XKR9: variants seen among roughly 807,000 people sequenced by gnomAD.
The protein encoded by XKR9 is XK-related protein 9.
In XKR9, 32 loss-of-function variants were observed where a neutral mutation model predicts 32.0. The observed-to-expected ratio is 1.00, with a 90% CI of 0.76 to 1.34. The LOEUF is 1.34. Ranked by LOEUF, XKR9 falls within the 40% of genes most tolerant of loss-of-function variation. XKR9 has a pLI of 0.00. For missense variants in XKR9, 546 were observed against 429.7 expected (o/e 1.27, Z -2.39); for synonymous variants, 168 against 143.4 (o/e 1.17, Z -1.22).
At chr8:70,973,638 C>T in the XKR9 span, among the ~76,000 whole-genome samples, 1 of 151,996 alleles carries the variant, frequency 6.6e-6, no homozygotes, top group Non-Finnish European at 1.5e-5. Context: ...TTGCTGTATC[C>T]CAATGGGTTT....
intron 3 of XKR9, among the ~76,000 whole-genome samples, chr8:70,698,067 T>C (rs1351427790): frequency 6.6e-6 from 1 of 152,144 alleles, no homozygotes; most frequent in African/African-American, 2.4e-5. Flanking sequence ...TATTTGATTC[T>C]TCTCTCTTTT....
chr8:70,786,241 G>T (rs990929696), intron 2 of XKR9, among the ~76,000 whole-genome samples: 1 of 152,110 alleles, frequency 6.6e-6, no homozygotes. Context: ...AACACAATGT[G>T]TATTCTGCTG....
chr8:70,790,472 A>G (rs934974204), downstream of XKR9: 4 of 152,202 alleles, frequency 2.6e-5, no homozygotes, highest in South Asian at 2.1e-4. Context: ...ATACCTTGAA[A>G]TGCTCTGACT....
At chr8:70,698,935 A>T (rs1324906605) in intron 3 of XKR9, among the ~76,000 whole-genome samples, 8 of 152,070 alleles carry the variant, frequency 5.3e-5, no homozygotes, top group Non-Finnish European at 1.0e-4. Flanking sequence ...TTTACCATTA[A>T]GTAATGGCCT....
At chr8:70,705,517 A>G (rs1050646587) in intron 3 of XKR9, among the ~76,000 whole-genome samples, 6 of 152,146 alleles carry the variant, frequency 3.9e-5, no homozygotes, top group African/African-American at 1.2e-4. Context: ...TGGAGTTTAG[A>G]AGAGTTCCAG....
the XKR9 span, among the ~76,000 whole-genome samples, chr8:70,809,933 C>G: frequency 1.3e-5 from 2 of 152,110 alleles, no homozygotes; most frequent in Non-Finnish European, 2.9e-5. Context: ...TCAGGAAATA[C>G]AGAGAACACC....
chr8:70,975,988 T>C, the XKR9 span, among the ~76,000 whole-genome samples: 2 of 152,226 alleles, frequency 1.3e-5, no homozygotes, highest in Non-Finnish European at 2.9e-5. Flanking sequence ...CTAGGTATTT[T>C]ATTCTCTTTG....
At chr8:70,854,325 C>G in the XKR9 span, among the ~76,000 whole-genome samples, 228 of 152,262 alleles carry the variant, frequency 1.5e-3, no homozygotes, top group African/African-American at 5.3e-3. Flanking sequence ...TAAATGTCTT[C>G]TTTGAGAAGT....
chr8:70,801,878 A>G, the XKR9 span, among the ~76,000 whole-genome samples: 5 of 151,208 alleles, frequency 3.3e-5, no homozygotes, highest in African/African-American at 1.2e-4. Flanking sequence ...CAATAGTCAG[A>G]TCTTCTTATT....
intron 2 of XKR9, among the ~76,000 whole-genome samples, chr8:70,759,542 GT>G (rs926651375): frequency 1.1e-4 from 17 of 151,198 alleles, no homozygotes; most frequent in African/African-American, 4.1e-4. Context: ...GAAAACAAAT[GT>G]TTTTTTTTCT....
the XKR9 span, among the ~76,000 whole-genome samples, chr8:70,910,065 A>G: frequency 1.5e-4 from 23 of 152,088 alleles, 1 homozygote; most frequent in African/African-American, 5.3e-4. Flanking sequence ...TAGGTGCTCA[A>G]TAAATGCTTA....
At chr8:70,754,274 C>G (rs903685596) in intron 2 of XKR9, among the ~76,000 whole-genome samples, 1 of 147,168 alleles carries the variant, frequency 6.8e-6, no homozygotes, top group African/African-American at 2.4e-5. Context: ...AGGATACAAA[C>G]AAATGGGAGA....
the XKR9 span, among the ~76,000 whole-genome samples, chr8:70,879,529 C>G: frequency 6.6e-6 from 1 of 152,128 alleles, no homozygotes; most frequent in Non-Finnish European, 1.5e-5. Flanking sequence ...ACTATAAACA[C>G]CTTTATGCAA....
At chr8:70,759,112 A>G (rs1353786320) in intron 2 of XKR9, among the ~76,000 whole-genome samples, 1 of 152,232 alleles carries the variant, frequency 6.6e-6, no homozygotes, top group African/African-American at 2.4e-5. Context: ...GGGACTTTCA[A>G]AAGTCTTCAG....
intron 3 of XKR9, among the ~76,000 whole-genome samples, chr8:70,692,570 CTTATTA>C (rs1192566073): frequency 7.1e-6 from 1 of 140,002 alleles, no homozygotes; most frequent in Non-Finnish European, 1.6e-5. Context: ...ATAGATGGCT[CTTATTA>C]TTATTATTCT....
At chr8:70,959,807 G>GT in the XKR9 span, among the ~76,000 whole-genome samples, 2 of 152,110 alleles carry the variant, frequency 1.3e-5, no homozygotes, top group African/African-American at 4.8e-5. Context: ...TGCAAACTGC[G>GT]TGTTTATAGA....
At chr8:70,837,447 T>A in the XKR9 span, among the ~76,000 whole-genome samples, 1 of 152,020 alleles carries the variant, frequency 6.6e-6, no homozygotes, top group Non-Finnish European at 1.5e-5. Context: ...ACTATGAGAT[T>A]ATGAGTTTAC....
the XKR9 span, among the ~76,000 whole-genome samples, chr8:71,021,498 CTTTTTTTTT>C: frequency 9.9e-6 from 1 of 101,418 alleles, no homozygotes. Context: ...TTGATGGTTT[CTTTTTTTTT>C]TTTTTTTTTT....
the XKR9 span, among the ~76,000 whole-genome samples, chr8:70,920,093 T>A: frequency 5.5e-4 from 84 of 152,304 alleles, no homozygotes; most frequent in Non-Finnish European, 8.8e-5. Context: ...ATGCTTATAT[T>A]TTATGGCTGC....
Sources: allele counts gnomAD v4.1 joint callset (sites outside exome capture counted in the v4.1 genomes callset), GRCh38; gene constraint gnomAD v4.1.1; transcripts MANE v1.5; gene names NCBI Gene and HGNC (gene_info 2026-07-23, HGNC 2026-07-21).